COMMD1: variants seen among roughly 807,000 people sequenced by gnomAD.
COMMD1 encodes the protein COMM domain-containing protein 1.
COMMD1 carries 10 observed loss-of-function variants against 17.2 expected under a neutral mutation model. The ratio of observed to expected loss-of-function variants is 0.58; its 90% CI spans 0.36 to 0.99. The LOEUF is 0.99. Ranked by LOEUF, COMMD1 falls within the 50% of genes least tolerant of loss-of-function variation. COMMD1 has a pLI of 0.01. For synonymous variants in COMMD1, 97 were observed against 91.6 expected (o/e 1.06, Z -0.34); for missense variants, 270 against 231.8 (o/e 1.17, Z -1.07).
intron 1 of COMMD1, among the ~76,000 whole-genome samples, chr2:61,987,877 G>A (rs568271723): frequency 2.6e-5 from 4 of 152,124 alleles, no homozygotes; most frequent in East Asian, 1.9e-4. Flanking sequence ...AGCTGGCACC[G>A]AAACCACAAG....
chr2:62,065,274 C>T (rs1440794131), intron 2 of COMMD1, among the ~76,000 whole-genome samples: 1 of 149,336 alleles, frequency 6.7e-6, no homozygotes, highest in Non-Finnish European at 1.5e-5. Context: ...ATGAACAAAA[C>T]TAATTATAAC....
chr2:62,110,047 C>T (rs1558603471), intron 2 of COMMD1, among the ~76,000 whole-genome samples: 1 of 151,182 alleles, frequency 6.6e-6, no homozygotes, highest in Non-Finnish European at 1.5e-5. Flanking sequence ...GTGTGAGCCA[C>T]CACATCTAGC....
chr2:62,080,170 G>A (rs1035670523), intron 2 of COMMD1, among the ~76,000 whole-genome samples: 5 of 151,530 alleles, frequency 3.3e-5, no homozygotes, highest in Non-Finnish European at 5.9e-5. Flanking sequence ...ATGAAGACTT[G>A]GGCCAGGAGT....
At position 61,942,438 on chromosome 2, in the gene COMMD1, G is replaced by A. The variant is rs534595380; in HGVS notation, c.180+36580G>A. 1.1e-4 allele frequency among the ~76,000 whole-genome samples: 16 copies of A among 151,274 alleles called. No homozygotes were observed. In the South Asian group the frequency reaches 1.5e-3, roughly 14 times the overall value. The stretch of plus-strand genomic sequence containing the variant: ...TTGGTTTGTTTATTTTTGAGACAGA[G>A]TCTTTCTCTGTCACCCAGGCTGGAG... On this transcript the variant is annotated intron_variant, in intron 1 of 2. Coordinates refer to ENST00000311832, the MANE Select transcript of COMMD1 (RefSeq NM_152516.4).
In COMMD1 at chr2:61,983,507, C is replaced by T. The variant is rs559624710; in HGVS notation, c.181-17194C>T. Among the ~76,000 whole-genome samples the T allele has an allele frequency of 7.2e-5, 11 of 152,002 alleles. No homozygotes were observed. In the South Asian group the frequency reaches 2.3e-3, roughly 32 times the overall value. On this transcript the variant is annotated intron_variant, in intron 1 of 2. Coordinates refer to ENST00000311832, the MANE Select transcript of COMMD1 (RefSeq NM_152516.4). ...TCCCGGCCTATAATGGCTTTTAATGCATGTTCATCTTGTTACTTGTTATTG... is the reference window on the plus strand; with the variant it reads ...TCCCGGCCTATAATGGCTTTTAATGTATGTTCATCTTGTTACTTGTTATTG...
At chr2:62,116,955 A>AT (rs1174705391) in intron 2 of COMMD1, among the ~76,000 whole-genome samples, 2 of 150,564 alleles carry the variant, frequency 1.3e-5, no homozygotes, top group African/African-American at 4.9e-5. Context: ...AGATCGCACC[A>AT]TTGCATTCTA....
At chr2:62,056,615 C>T (rs1203758037) in intron 2 of COMMD1, among the ~76,000 whole-genome samples, 1 of 152,214 alleles carries the variant, frequency 6.6e-6, no homozygotes, top group Non-Finnish European at 1.5e-5. Flanking sequence ...ATTAGGATTT[C>T]TGACATGTTT....
intron 1 of COMMD1, among the ~76,000 whole-genome samples, chr2:61,945,994 GC>G (rs1670895389): frequency 6.6e-6 from 1 of 152,142 alleles, no homozygotes; most frequent in Admixed American, 6.6e-5. Flanking sequence ...GTGTGATGAG[GC>G]ATGTCCTACC....
chr2:61,999,926 C>A (rs1313283031), intron 1 of COMMD1, among the ~76,000 whole-genome samples: 1 of 147,246 alleles, frequency 6.8e-6, no homozygotes, highest in Non-Finnish European at 1.5e-5. Flanking sequence ...CCCTCCCCCA[C>A]CCACTTTTTT....
At chr2:61,932,435 T>C (rs188611086) in intron 1 of COMMD1, among the ~76,000 whole-genome samples, 65 of 152,350 alleles carry the variant, frequency 4.3e-4, no homozygotes, top group African/African-American at 1.5e-3. Context: ...CCATTGGCTT[T>C]ATATTCTTTT....
At chr2:62,002,491 G>GAAAAAAAAAA (rs11310507) in intron 2 of COMMD1, among the ~76,000 whole-genome samples, 2 of 35,086 alleles carry the variant, frequency 5.7e-5, no homozygotes, top group Non-Finnish European at 5.1e-5. Flanking sequence ...GATTCCACCA[G>GAAAAAAAAAA]AAAAAAAAAA....
chr2:62,056,984 G>A (rs577610919), intron 2 of COMMD1, among the ~76,000 whole-genome samples: 6 of 152,254 alleles, frequency 3.9e-5, no homozygotes, highest in East Asian at 1.9e-4. Context: ...GTGAAGCAGC[G>A]TTTTCTGCAG....
intron 2 of COMMD1, among the ~76,000 whole-genome samples, chr2:62,001,417 G>C (rs1668938261): frequency 1.3e-5 from 2 of 152,176 alleles, no homozygotes; most frequent in South Asian, 4.1e-4. Flanking sequence ...TTAATACATT[G>C]TTCGTAAAGA....
intron 2 of COMMD1, among the ~76,000 whole-genome samples, chr2:62,132,222 T>C (rs1673059129): frequency 6.6e-6 from 1 of 152,190 alleles, no homozygotes; most frequent in African/African-American, 2.4e-5. Context: ...TTCTCTAGTA[T>C]TTGGCATCCC....
At chr2:61,888,595 A>C, upstream of COMMD1, 1 of 1,456,392 alleles carries the variant, frequency 6.9e-7, no homozygotes, top group South Asian at 1.3e-5. Flanking sequence ...GTAAGCCCTC[A>C]CTGCCTTCAC....
At chr2:61,928,406 C>T (rs1227433795) in intron 1 of COMMD1, among the ~76,000 whole-genome samples, 2 of 152,080 alleles carry the variant, frequency 1.3e-5, no homozygotes, top group African/African-American at 2.4e-5. Context: ...AGTGATCCGC[C>T]CACCTTAGCC....
At chr2:61,978,744 T>G (rs1558545853) in intron 1 of COMMD1, among the ~76,000 whole-genome samples, 1 of 152,144 alleles carries the variant, frequency 6.6e-6, no homozygotes, top group African/African-American at 2.4e-5. Flanking sequence ...ACATGGTTCT[T>G]CATAAGCTGT....
intron 1 of COMMD1, among the ~76,000 whole-genome samples, chr2:61,949,646 G>T (rs1391448868): frequency 6.7e-6 from 1 of 148,946 alleles, no homozygotes; most frequent in African/African-American, 2.5e-5. Context: ...CCAGATCAAG[G>T]CAGATTCAGT....
chr2:61,898,245 G>A (rs1669591932), intron 1 of COMMD1, among the ~76,000 whole-genome samples: 1 of 152,188 alleles, frequency 6.6e-6, no homozygotes, highest in Non-Finnish European at 1.5e-5. Context: ...GGAGGTCAAG[G>A]TGGGAGGATC....
Sources: gnomAD v4.1 joint callset for allele counts (sites outside exome capture counted in the v4.1 genomes callset) on GRCh38, gnomAD v4.1.1 for gene constraint, MANE v1.5 for transcripts, NCBI Gene and HGNC (gene_info 2026-07-23, HGNC 2026-07-21) for gene names.